NAALADL2: variants seen among roughly 807,000 people sequenced by gnomAD.
The protein encoded by NAALADL2 is inactive N-acetylated-alpha-linked acidic dipeptidase-like protein 2.
Under a neutral mutation model 87.2 loss-of-function variants are expected in NAALADL2, and 76 were observed. The ratio of observed to expected loss-of-function variants is 0.87; its 90% CI spans 0.72 to 1.05. The LOEUF (loss-of-function observed/expected upper bound fraction) is 1.05. Among genes scored for constraint, NAALADL2 ranks in the 50% least tolerant of loss-of-function variants. The pLI is 0.00. For synonymous variants in NAALADL2, 354 were observed against 331.0 expected, an observed-to-expected ratio of 1.07 and a Z score of -0.75; for missense variants, 1,089 against 945.8, an observed-to-expected ratio of 1.15 and a Z score of -1.99.
intron 1 of NAALADL2, among the ~76,000 whole-genome samples, chr3:174,972,351 A>G (rs549038814): frequency 3.3e-5 from 5 of 152,308 alleles, no homozygotes; most frequent in Admixed American, 2.6e-4. Context: ...TGGCTTAAGC[A>G]ACATAAATTT....
chr3:175,520,278 T>C (rs1732440873), intron 9 of NAALADL2, among the ~76,000 whole-genome samples: 1 of 142,334 alleles, frequency 7.0e-6, no homozygotes, highest in African/African-American at 2.6e-5. Context: ...TTCTAAAGAA[T>C]GCAATTTTTT....
intron 11 of NAALADL2, among the ~76,000 whole-genome samples, chr3:175,727,791 C>A (rs1583030501): frequency 6.6e-6 from 1 of 152,272 alleles, no homozygotes; most frequent in African/African-American, 2.4e-5. Flanking sequence ...TTTGGCAAGG[C>A]CTCCTAAGCA....
intron 9 of NAALADL2, among the ~76,000 whole-genome samples, chr3:175,484,317 G>T (rs1421435782): frequency 6.6e-6 from 1 of 152,012 alleles, no homozygotes; most frequent in Non-Finnish European, 1.5e-5. Flanking sequence ...GTTTTTGAAA[G>T]TATCTCTTAA....
intron 10 of NAALADL2, among the ~76,000 whole-genome samples, chr3:175,592,974 G>T (rs1721736966): frequency 6.6e-6 from 1 of 151,814 alleles, no homozygotes; most frequent in Non-Finnish European, 1.5e-5. Flanking sequence ...ACCTTTCCAT[G>T]CTTTCATTGA....
intron 5 of NAALADL2, among the ~76,000 whole-genome samples, chr3:175,331,283 C>A (rs1002128053): frequency 5.9e-5 from 9 of 152,068 alleles, no homozygotes; most frequent in Non-Finnish European, 1.0e-4. Flanking sequence ...GGAAGAAATT[C>A]TTCATATCTC....
intron 1 of NAALADL2, among the ~76,000 whole-genome samples, chr3:174,901,639 C>T (rs1424637178): frequency 6.6e-6 from 1 of 151,704 alleles, no homozygotes; most frequent in Non-Finnish European, 1.5e-5. Context: ...AATAGTCAGC[C>T]CTTTATCTAG....
At chr3:174,956,713 G>A (rs568784469) in intron 1 of NAALADL2, among the ~76,000 whole-genome samples, 152 of 151,996 alleles carry the variant, frequency 1.0e-3, no homozygotes, top group Non-Finnish European at 1.9e-3. Context: ...GAGAAGGGTG[G>A]AATGGGGAGA....
At chr3:174,981,680 C>A (rs1225065119) in intron 1 of NAALADL2, among the ~76,000 whole-genome samples, 5 of 152,092 alleles carry the variant, frequency 3.3e-5, no homozygotes, top group South Asian at 4.2e-4. Flanking sequence ...GATAAAAAAA[C>A]CCCAAAATGA....
At chr3:174,963,456 C>T (rs1289264493) in intron 1 of NAALADL2, among the ~76,000 whole-genome samples, 2 of 152,010 alleles carry the variant, frequency 1.3e-5, no homozygotes, top group African/African-American at 4.8e-5. Context: ...AAAATTATGA[C>T]TGATTAGATG....
intron 5 of NAALADL2, among the ~76,000 whole-genome samples, chr3:175,340,954 T>C (rs895736194): frequency 5.9e-5 from 9 of 151,870 alleles, no homozygotes; most frequent in African/African-American, 1.9e-4. Flanking sequence ...GACATCTTCC[T>C]TAGCCTAGAA....
chr3:175,066,530 G>C (rs1217730602), intron 1 of NAALADL2, among the ~76,000 whole-genome samples: 1 of 152,118 alleles, frequency 6.6e-6, no homozygotes, highest in Non-Finnish European at 1.5e-5. Context: ...AAAAGTGCTT[G>C]TAACTGGAAA....
At chr3:175,270,720 G>T (rs569089194) in intron 4 of NAALADL2, among the ~76,000 whole-genome samples, 1 of 152,230 alleles carries the variant, frequency 6.6e-6, no homozygotes, top group East Asian at 1.9e-4. Context: ...GCCTGGCAAA[G>T]GTTGACAGAT....
In NAALADL2 at chr3:174,617,078, T is replaced by C. The variant is rs561073005; in HGVS notation, c.-115+66441T>C. On this transcript the variant is annotated intron_variant, in intron 2 of 3. Coordinates refer to the NAALADL2 transcript ENST00000434257. The stretch of plus-strand genomic sequence containing the variant: ...AACTTTGTATGGGTATTAAATACCC[T>C]GCTGCGACACAGGACTACAAAGATC... 5.9e-5 allele frequency among the ~76,000 whole-genome samples: 9 copies of C among 151,916 alleles called. No individual in the cohort carries two copies. The East Asian group carries it at 1.4e-3, about 23-fold the overall frequency.
chr3:175,737,887 A>C (rs1232523674), intron 12 of NAALADL2, among the ~76,000 whole-genome samples: 1 of 152,024 alleles, frequency 6.6e-6, no homozygotes, highest in Non-Finnish European at 1.5e-5. Context: ...AGAAGAAACC[A>C]GGCAATTATT....
intron 2 of NAALADL2, among the ~76,000 whole-genome samples, chr3:175,223,968 C>G (rs1039596328): frequency 1.3e-5 from 2 of 152,214 alleles, no homozygotes; most frequent in South Asian, 4.1e-4. Flanking sequence ...TACTGTTCAA[C>G]ATATTACAAT....
chr3:175,166,707 G>T (rs983630409), intron 2 of NAALADL2, among the ~76,000 whole-genome samples: 33 of 151,878 alleles, frequency 2.2e-4, no homozygotes, highest in Admixed American at 2.0e-3. Context: ...TCTTTCTGCT[G>T]ATTACACCTA....
At chr3:174,504,807 A>G (rs1719104375) in intron 1 of NAALADL2, among the ~76,000 whole-genome samples, 1 of 152,152 alleles carries the variant, frequency 6.6e-6, no homozygotes, top group Non-Finnish European at 1.5e-5. Context: ...CCTGTTTAAG[A>G]TGAGCTCTTC....
intron 3 of NAALADL2, among the ~76,000 whole-genome samples, chr3:174,800,226 A>G (rs910695289): frequency 6.6e-6 from 1 of 152,130 alleles, no homozygotes; most frequent in African/African-American, 2.4e-5. Context: ...TGGAGAAAAT[A>G]TCACCAGGGC....
At chr3:174,558,527 A>G (rs1487901328) in intron 2 of NAALADL2, among the ~76,000 whole-genome samples, 2 of 152,140 alleles carry the variant, frequency 1.3e-5, no homozygotes, top group African/African-American at 2.4e-5. Context: ...ATTATCAGGC[A>G]CTAGATTCTC....
Sources: allele counts gnomAD v4.1 joint callset (sites outside exome capture counted in the v4.1 genomes callset), GRCh38; gene constraint gnomAD v4.1.1; transcripts MANE v1.5; gene names NCBI Gene and HGNC (gene_info 2026-07-23, HGNC 2026-07-21).